MGAT5: variants seen among roughly 807,000 people sequenced by gnomAD.
The protein encoded by MGAT5 is alpha-1,6-mannosylglycoprotein 6-beta-N-acetylglucosaminyltransferase A.
A neutral mutation model predicts 94.3 loss-of-function variants in MGAT5; 30 were observed. The observed-to-expected ratio is 0.32, with a 90% CI of 0.24 to 0.43. The LOEUF (loss-of-function observed/expected upper bound fraction) is 0.43, where lower values mean the gene tolerates loss of function less well. MGAT5 is among the 20% of genes least tolerant of loss of function. MGAT5 has a pLI of 1.00. For synonymous variants in MGAT5, 310 were observed against 322.9 expected (o/e 0.96, Z 0.43); for missense variants, 691 against 905.5 (o/e 0.76, Z 3.04).
chr2:134,164,139 TC>T (rs1327847310), intron 1 of MGAT5, among the ~76,000 whole-genome samples: 1 of 152,190 alleles, frequency 6.6e-6, no homozygotes, highest in African/African-American at 2.4e-5. Context: ...CTAGGGTCCT[TC>T]CCCAAATTGG....
intron 1 of MGAT5, among the ~76,000 whole-genome samples, chr2:134,181,660 T>A (rs1016272960): frequency 1.3e-5 from 2 of 152,252 alleles, no homozygotes; most frequent in African/African-American, 4.8e-5. Context: ...CTACTGTCAC[T>A]AATTACATAT....
intron 1 of MGAT5, among the ~76,000 whole-genome samples, chr2:134,224,546 T>C (rs1045799401): frequency 5.3e-5 from 8 of 152,070 alleles, no homozygotes; most frequent in African/African-American, 1.9e-4. Context: ...CCTTGAGAGA[T>C]TTGAAATGAT....
At chr2:134,275,353 A>G (rs1684295644) in intron 2 of MGAT5, among the ~76,000 whole-genome samples, 1 of 152,208 alleles carries the variant, frequency 6.6e-6, no homozygotes, top group Admixed American at 6.5e-5. Flanking sequence ...TTCTTTTGGT[A>G]TCTTTACAGA....
intron 1 of MGAT5, among the ~76,000 whole-genome samples, chr2:134,145,185 C>G (rs1686853425): frequency 1.4e-5 from 2 of 147,824 alleles, no homozygotes; most frequent in Non-Finnish European, 3.0e-5. Context: ...GAATTATAAC[C>G]AAAGTAAGGT....
At chr2:134,334,850 C>G (rs983650061) in intron 4 of MGAT5, among the ~76,000 whole-genome samples, 1 of 152,062 alleles carries the variant, frequency 6.6e-6, no homozygotes, top group African/African-American at 2.4e-5. Context: ...TTGGTCTTTT[C>G]TTTTTTATGA....
intron 1 of MGAT5, among the ~76,000 whole-genome samples, chr2:134,170,031 T>C (rs1688132311): frequency 1.3e-5 from 2 of 152,176 alleles, no homozygotes; most frequent in South Asian, 4.1e-4. Context: ...ACAGTACTCA[T>C]AAGGAAAATT....
chr2:134,255,996 G>A (rs1392997377), intron 1 of MGAT5, among the ~76,000 whole-genome samples: 1 of 152,102 alleles, frequency 6.6e-6, no homozygotes, highest in African/African-American at 2.4e-5. Context: ...GTATATATTA[G>A]AAGATGCTTA....
chr2:134,129,667 G>C (rs1573708485), intron 1 of MGAT5, among the ~76,000 whole-genome samples: 1 of 147,662 alleles, frequency 6.8e-6, no homozygotes, highest in East Asian at 2.0e-4. Context: ...GCCAGATGTT[G>C]AGCTGAGTAC....
intron 1 of MGAT5, among the ~76,000 whole-genome samples, chr2:134,213,838 G>A (rs1359847021): frequency 6.6e-6 from 1 of 152,160 alleles, no homozygotes; most frequent in African/African-American, 2.4e-5. Flanking sequence ...CCTTCTTGGC[G>A]CATGGTTGTG....
intron 2 of MGAT5, among the ~76,000 whole-genome samples, chr2:134,276,179 A>AG (rs1684355250): frequency 5.9e-5 from 2 of 33,952 alleles, no homozygotes; most frequent in African/African-American, 1.2e-4. Context: ...GCCGCCCGCC[A>AG]ATCTCCACCT....
chr2:134,322,980 C>T (rs555281495), intron 4 of MGAT5, among the ~76,000 whole-genome samples: 1 of 152,264 alleles, frequency 6.6e-6, no homozygotes, highest in Admixed American at 6.5e-5. Flanking sequence ...AGTAAAATGT[C>T]TCTTGTATAG....
At position 134,143,596 on chromosome 2, in the gene MGAT5, G is replaced by A. The variant is rs551503183; in HGVS notation, c.-143+23305G>A. Reference sequence around the variant, plus strand: ...TGAAGGAATGGTTGAGTGGATGGATGAGGAACATCAGGCAGGCGCCTGGAA... The same window carrying A: ...TGAAGGAATGGTTGAGTGGATGGATAAGGAACATCAGGCAGGCGCCTGGAA... On this transcript the variant is annotated intron_variant, in intron 1 of 16. Coordinates refer to the MGAT5 transcript ENST00000409645. Among the ~76,000 whole-genome samples the A allele has an allele frequency of 7.2e-5, 11 of 152,350 alleles. No homozygotes were observed. The South Asian group carries it at 2.3e-3, about 32-fold the overall frequency.
chr2:134,423,604 G>A (rs1684418273), intron 13 of MGAT5, among the ~76,000 whole-genome samples: 1 of 152,180 alleles, frequency 6.6e-6, no homozygotes, highest in South Asian at 2.1e-4. Flanking sequence ...CTGTACTTTG[G>A]TGGGAGCACT....
At chr2:134,411,708 A>G (rs1353498329) in intron 11 of MGAT5, among the ~76,000 whole-genome samples, 1 of 152,228 alleles carries the variant, frequency 6.6e-6, no homozygotes, top group Admixed American at 6.5e-5. Context: ...CAATTAGAGC[A>G]GCTGCTAAGA....
intron 9 of MGAT5, among the ~76,000 whole-genome samples, chr2:134,352,882 G>A (rs754191101): frequency 3.3e-4 from 50 of 152,220 alleles, no homozygotes; most frequent in Middle Eastern, 3.4e-3. Context: ...TAAAAAGGAA[G>A]GAAATCCTGT....
rs1171716682 is a variant in MGAT5 at position 134,454,484 on chromosome 2, T to TTAAG, written c.*5641_*5644dup. The TTAAG allele has an allele frequency of 6.6e-6, 1 of 152,198 alleles. No individual in the cohort carries two copies. The highest frequency in any genetic ancestry group is 1.5e-5 in the Non-Finnish European group (1 of 68,046). 9.4% of individuals were successfully genotyped at this position (152,198 alleles called of 1,614,324 possible). A position where few individuals can be genotyped will look rare whatever the true frequency, so the allele number is the denominator to read the frequency against. On this transcript the variant is annotated 3_prime_UTR_variant, in exon 16 of 16. Transcript: ENST00000281923. ...CATTTTGTGTGATTCACTTCGGGGGTTAAGTAATGCAGGATTCTGCAAACA... is the reference window on the plus strand; with the variant it reads ...CATTTTGTGTGATTCACTTCGGGGGTTAAGTAAGTAATGCAGGATTCTGCAAACA...
intron 1 of MGAT5, among the ~76,000 whole-genome samples, chr2:134,255,465 A>G (rs1682883377): frequency 6.7e-6 from 1 of 148,520 alleles, no homozygotes; most frequent in African/African-American, 2.5e-5. Flanking sequence ...AAATATATAT[A>G]TACATATATA....
intron 4 of MGAT5, 109 bp from the exon 5 acceptor site, chr2:134,336,108 C>T: frequency 1.3e-6 from 1 of 787,148 alleles, no homozygotes; most frequent in Middle Eastern, 2.6e-4. Context: ...AAAAATAGCA[C>T]ATATTAATAT....
At chr2:134,195,983 C>T (rs1007787740) in intron 1 of MGAT5, among the ~76,000 whole-genome samples, 1 of 152,066 alleles carries the variant, frequency 6.6e-6, no homozygotes, top group South Asian at 2.1e-4. Context: ...TCTAGAAAAC[C>T]CCATTCCAAA....
Sources: allele counts gnomAD v4.1 joint callset (sites outside exome capture counted in the v4.1 genomes callset), GRCh38; gene constraint gnomAD v4.1.1; transcripts MANE v1.5; gene names NCBI Gene and HGNC (gene_info 2026-07-23, HGNC 2026-07-21).